Variants in DNAH8 observed in about 807,000 individuals in gnomAD.
DNAH8 encodes the protein dynein axonemal heavy chain 8.
Under a neutral mutation model 562.1 loss-of-function variants are expected in DNAH8, and 382 were observed. The observed-to-expected ratio is 0.68, with a 90% CI of 0.63 to 0.74. The LOEUF is 0.74. Among genes scored for constraint, DNAH8 ranks in the 30% least tolerant of loss-of-function variants. The probability of loss-of-function intolerance (pLI) is 0.00; values close to 1 mark genes in which losing one functional copy is unlikely to be tolerated. For missense variants in DNAH8, 5,203 were observed against 5,620.4 expected (o/e 0.93, Z 2.37); for synonymous variants, 1,881 against 1,919.4 (o/e 0.98, Z 0.52).
Position 39,008,951 on chromosome 6 carries a change from CTGAT to C in DNAH8, c.13354_13357del (p.Asp4452ThrfsTer6). 6.2e-7 allele frequency: 1 copy of C among 1,610,440 alleles called. No individual in the cohort carries two copies. The highest frequency in any genetic ancestry group is 1.3e-5 in the African/African-American group (1 of 74,910). On this transcript the variant is annotated frameshift_variant, in exon 89 of 93. Coordinates refer to ENST00000327475, the MANE Select transcript of DNAH8 (RefSeq NM_001206927.2). LOFTEE classifies it high-confidence loss of function. ...GAAGATATGCTGAGTAAACTCCCTCCTGATTACATTCCTCATGAGGTAAGTCTTG... is the reference window on the plus strand; with the variant it reads ...GAAGATATGCTGAGTAAACTCCCTCCTACATTCCTCATGAGGTAAGTCTTG...
At chr6:38,932,216 A>ACACACACACACACACCCC (rs375631180) in intron 76 of DNAH8, among the ~76,000 whole-genome samples, 4 of 145,742 alleles carry the variant, frequency 2.7e-5, no homozygotes, top group African/African-American at 1.1e-4. Flanking sequence ...ACACACACAC[A>ACACACACACACACACCCC]CCCGTCTCTT....
chr6:38,864,154 T>C, intron 45 of DNAH8, 94 bp downstream of exon 45: 2 of 1,135,058 alleles, frequency 1.8e-6, no homozygotes, highest in Non-Finnish European at 2.5e-6. Context: ...TGACCAACTA[T>C]CCAGGAGTTA....
At position 38,898,248 on chromosome 6, in the gene DNAH8, C is replaced by A; in HGVS notation, c.8941-10C>A. ...AAATATTATTTTTTTATCTTTCTCT[C>A]CACCCATAGATGCCATCCTTTGACT... On this transcript the variant is annotated splice_polypyrimidine_tract_variant and intron_variant, in intron 60 of 92. Transcript: ENST00000327475. 1 of 1,577,172 alleles carries A rather than the reference C, an allele frequency of 6.3e-7. No individual in the cohort carries two copies. The highest frequency in any genetic ancestry group is 1.2e-5 in the South Asian group (1 of 81,776).
At chr6:38,886,661 T>A in intron 56 of DNAH8, 130 bp from the exon 57 acceptor site, 2 of 744,846 alleles carry the variant, frequency 2.7e-6, no homozygotes, top group Non-Finnish European at 4.4e-6. Context: ...AAGGTGATCA[T>A]CGACATTCAC....
At chr6:38,925,554 G>A (rs981820354) in intron 73 of DNAH8, among the ~76,000 whole-genome samples, 1 of 151,854 alleles carries the variant, frequency 6.6e-6, no homozygotes, top group Non-Finnish European at 1.5e-5. Context: ...TTTGGAGAAG[G>A]AAATATTCAC....
Position 38,937,952 on chromosome 6 carries a change from GTTTTCCTGT to G in DNAH8, c.11564-18_11564-10del. 1 of 1,612,394 alleles carries G rather than the reference GTTTTCCTGT, an allele frequency of 6.2e-7. No individual in the cohort carries two copies. The highest frequency in any genetic ancestry group is 1.7e-4 in the Middle Eastern group (1 of 6,056). ...CAAGTTTCCCGTCTTGTGTACTACGGTTTTCCTGTTTTGAATTTCAGGCTCATTGGTAGA... is the reference window on the plus strand; with the variant it reads ...CAAGTTTCCCGTCTTGTGTACTACGGTTTGAATTTCAGGCTCATTGGTAGA... On this transcript the variant is annotated splice_polypyrimidine_tract_variant and intron_variant, in intron 77 of 92. Transcript: ENST00000327475.
Position 38,970,272 on chromosome 6 carries a change from C to T in DNAH8, c.12452-1320C>T, listed in dbSNP as rs146809629. Among the ~76,000 whole-genome samples the T allele has an allele frequency of 1.5e-3, 223 of 152,184 alleles. No homozygotes were observed. The Middle Eastern group carries it at 0.024, about 16-fold the overall frequency. On this transcript the variant is annotated intron_variant, in intron 82 of 92. Coordinates refer to ENST00000327475, the MANE Select transcript of DNAH8 (RefSeq NM_001206927.2). ...GTGTTCTTCCGAAATAAGTGGGGCT[C>T]GATATCTATCCACGATCCAGAGGCT...
intron 18 of DNAH8, among the ~76,000 whole-genome samples, chr6:38,787,891 T>C (rs946861003): frequency 1.3e-5 from 2 of 152,134 alleles, no homozygotes; most frequent in African/African-American, 4.8e-5. Context: ...TCTTTGCTTT[T>C]CTTGGCAGGC....
intron 9 of DNAH8, among the ~76,000 whole-genome samples, chr6:38,751,672 A>AT (rs1434490085): frequency 6.6e-6 from 1 of 152,170 alleles, no homozygotes; most frequent in Non-Finnish European, 1.5e-5. Context: ...ATTTGCTTTT[A>AT]TTTTTTAGAA....
At chr6:38,766,139 A>ATG (rs145206381) in intron 11 of DNAH8, among the ~76,000 whole-genome samples, 5,346 of 150,990 alleles carry the variant, frequency 0.035, 265 homozygotes, top group African/African-American at 0.12. Flanking sequence ...ATGTGTTTGT[A>ATG]TGTGTGTGTG....
chr6:38,987,004 C>G (rs771500999), intron 87 of DNAH8, among the ~76,000 whole-genome samples: 8 of 152,224 alleles, frequency 5.3e-5, no homozygotes, highest in Non-Finnish European at 1.2e-4. Flanking sequence ...CCCAACACAT[C>G]TAAGTGCTCA....
intron 80 of DNAH8, among the ~76,000 whole-genome samples, chr6:38,948,357 G>A (rs538842017): frequency 4.6e-5 from 7 of 151,718 alleles, no homozygotes; most frequent in African/African-American, 1.7e-4. Flanking sequence ...TTGTTTTTGA[G>A]GGGGAGTTTC....
At chr6:38,855,862 G>A (rs113171657) in intron 41 of DNAH8, among the ~76,000 whole-genome samples, 1,658 of 152,180 alleles carry the variant, frequency 0.011, 38 homozygotes, top group African/African-American at 0.038. Context: ...TCAGATCAAC[G>A]GCGGCATGAG....
intron 82 of DNAH8, among the ~76,000 whole-genome samples, chr6:38,953,690 T>A (rs1479266439): frequency 3.3e-5 from 5 of 152,184 alleles, no homozygotes; most frequent in Non-Finnish European, 5.9e-5. Context: ...GGGTTGAAAG[T>A]CCCAAAGATA....
intron 92 of DNAH8, among the ~76,000 whole-genome samples, chr6:39,028,171 G>A (rs926791278): frequency 4.6e-5 from 7 of 152,168 alleles, no homozygotes; most frequent in Admixed American, 3.9e-4. Context: ...TCCCCATTAT[G>A]CAATTCCAGA....
intron 22 of DNAH8, among the ~76,000 whole-genome samples, chr6:38,804,503 A>G (rs1771072965): frequency 6.6e-6 from 1 of 152,160 alleles, no homozygotes; most frequent in African/African-American, 2.4e-5. Flanking sequence ...TCTTCTCCCC[A>G]GCTGCTGCTC....
At chr6:38,795,615 G>A (rs1168605433) in intron 21 of DNAH8, among the ~76,000 whole-genome samples, 1 of 151,856 alleles carries the variant, frequency 6.6e-6, no homozygotes, top group African/African-American at 2.4e-5. Flanking sequence ...TCAAGATGCA[G>A]GAGGCAGAAT....
intron 42 of DNAH8, among the ~76,000 whole-genome samples, chr6:38,858,364 C>T (rs1776360777): frequency 6.6e-6 from 1 of 152,190 alleles, no homozygotes; most frequent in Non-Finnish European, 1.5e-5. Context: ...TCATCAGAGA[C>T]ACATAATTCA....
At chr6:38,971,856 T>C in intron 83 of DNAH8, 191 bp downstream of exon 83, 1 of 435,306 alleles carries the variant, frequency 2.3e-6, no homozygotes, top group Non-Finnish European at 4.1e-6. Context: ...TTTTCTATAG[T>C]ATATGCTCCA....
Sources: allele counts gnomAD v4.1 joint callset (sites outside exome capture counted in the v4.1 genomes callset), GRCh38; gene constraint gnomAD v4.1.1; transcripts MANE v1.5; gene names NCBI Gene and HGNC (gene_info 2026-07-23, HGNC 2026-07-21).